Variants in CHD1 observed in about 807,000 individuals in gnomAD.
CHD1 encodes the protein chromodomain helicase DNA binding protein 1, also known as ATP-dependent chromatin remodeler CHD1.
A neutral mutation model predicts 224.2 loss-of-function variants in CHD1; 36 were observed. The observed-to-expected ratio is 0.16, with a 90% CI of 0.12 to 0.21. The LOEUF is 0.21. CHD1 is among the 10% of genes least tolerant of loss of function. The pLI, the probability that CHD1 is intolerant of heterozygous loss-of-function variation, is 1.00. For synonymous variants in CHD1, 668 were observed against 658.3 expected (o/e 1.01, Z -0.23); for missense variants, 1,378 against 1,994.8 (o/e 0.69, Z 5.89).
At chr5:98,870,849 G>A in intron 28 of CHD1, 46 bp from the exon 29 acceptor site, 1 of 1,202,112 alleles carries the variant, frequency 8.3e-7, no homozygotes, top group Non-Finnish European at 1.2e-6. Context: ...TAAATAACAT[G>A]AGAAATGTAC....
At chr5:98,879,784 GTT>G in intron 22 of CHD1, 56 bp from the exon 23 acceptor site, 6 of 1,261,726 alleles carry the variant, frequency 4.8e-6, no homozygotes, top group Non-Finnish European at 3.3e-6. Flanking sequence ...ATCCCTAAAA[GTT>G]TTTTTTAAGG....
At chr5:98,857,360 T>C (rs1235809394) in intron 35 of CHD1, among the ~76,000 whole-genome samples, 1 of 151,666 alleles carries the variant, frequency 6.6e-6, no homozygotes, top group African/African-American at 2.4e-5. Context: ...GTAACTATAT[T>C]GCATAAGCCT....
At chr5:98,889,364 C>T (rs1057324614) in intron 15 of CHD1, 126 bp from the exon 16 acceptor site, 1 of 659,966 alleles carries the variant, frequency 1.5e-6, no homozygotes, top group African/African-American at 1.8e-5. Context: ...TTATAAAATT[C>T]ACAGCTGTAT....
intron 22 of CHD1, 83 bp from the exon 23 acceptor site, chr5:98,879,811 G>C: frequency 1.3e-6 from 1 of 795,952 alleles, no homozygotes; most frequent in Non-Finnish European, 2.0e-6. Flanking sequence ...GAACTGGCAT[G>C]CTCCTTAGGA....
intron 18 of CHD1, 97 bp downstream of exon 18, chr5:98,885,480 CA>C (rs1750587219): frequency 5.0e-6 from 4 of 794,878 alleles, no homozygotes; most frequent in Non-Finnish European, 8.1e-6. Context: ...CTTTTTTTAT[CA>C]AACTAGATAT....
intron 4 of CHD1, 38 bp downstream of exon 4, chr5:98,903,754 G>C (rs778782176): frequency 1.5e-6 from 2 of 1,340,180 alleles, no homozygotes; most frequent in Non-Finnish European, 2.1e-6. Flanking sequence ...TCAGCAGCAT[G>C]TCCACTTTTA....
In CHD1 at chr5:98,901,191, T is replaced by C. The variant is rs1433577422; in HGVS notation, c.582A>G (p.Gln194=). 5 of 1,611,324 alleles carry C rather than the reference T, an allele frequency of 3.1e-6. No individual in the cohort carries two copies. The highest frequency in any genetic ancestry group is 3.4e-5 in the Admixed American group (2 of 59,422). ...PKNKVKSRKP[Q]NRSKSKNGKK... is the part of the protein sequence containing the mutation. ...GCACCAAACTGAGACCATACCTATTTTGAGGTTTTCTGCTTTTGACTTTGT... is the reference window on the plus strand; with the variant it reads ...GCACCAAACTGAGACCATACCTATTCTGAGGTTTTCTGCTTTTGACTTTGT... The change falls in exon 6 of 36, where the codon CAA becomes CAG. Residue 194 remains glutamine, a synonymous_variant. Coordinates refer to ENST00000614616, the MANE Select transcript of CHD1 (RefSeq NM_001270.4).
intron 2 of CHD1, among the ~76,000 whole-genome samples, chr5:98,923,582 T>C (rs1165637284): frequency 1.3e-5 from 2 of 151,802 alleles, no homozygotes; most frequent in African/African-American, 4.8e-5. Flanking sequence ...ACCCAGCTCA[T>C]TTTGTATTTT....
At chr5:98,868,828 T>C in intron 30 of CHD1, 193 bp from the exon 31 acceptor site, 2 of 634,860 alleles carry the variant, frequency 3.2e-6, no homozygotes, top group Non-Finnish European at 2.4e-6. Context: ...TACTCTGTAA[T>C]GTTACTCTGA....
intron 31 of CHD1, among the ~76,000 whole-genome samples, chr5:98,865,913 AG>A (rs752692103): frequency 3.3e-5 from 5 of 151,164 alleles, no homozygotes; most frequent in African/African-American, 4.9e-5. Flanking sequence ...CCATTCCAGC[AG>A]TTACATGAAA....
chr5:98,886,820 G>C (rs746424289), intron 17 of CHD1, among the ~76,000 whole-genome samples: 29 of 152,008 alleles, frequency 1.9e-4, no homozygotes, highest in Admixed American at 5.2e-4. Context: ...ACTGTGGCAT[G>C]ACCTAAACCA....
chr5:98,875,068 T>C lies in CHD1; in HGVS notation c.3440+4A>G, dbSNP rs747578611. 2.1e-6 allele frequency: 3 copies of C among 1,403,520 alleles called. No individual in the cohort carries two copies. In the South Asian group the frequency reaches 3.6e-5, roughly 17 times the overall value. The allele number at this position is 1,403,520 out of a possible 1,614,324, so 86.9% of individuals were successfully genotyped here. A position where few individuals can be genotyped will look rare whatever the true frequency, so the allele number is the denominator to read the frequency against. On this transcript the variant is annotated splice_donor_region_variant and intron_variant, in intron 25 of 35. Transcript: ENST00000614616. ...TATTCTATGAGAATAATAAACGTAT[T>C]TACCTTTCCAGAGGACCACCAAATT...
chr5:98,896,140 G>T, intron 12 of CHD1, 86 bp downstream of exon 12: 1 of 1,158,570 alleles, frequency 8.6e-7, no homozygotes, highest in Admixed American at 1.8e-5. Context: ...GGGAGACAGA[G>T]TGAAACCCCA....
chr5:98,873,511 A>T, intron 26 of CHD1, 82 bp downstream of exon 26: 1 of 1,049,422 alleles, frequency 9.5e-7, no homozygotes, highest in Non-Finnish European at 1.3e-6. Flanking sequence ...TAAATAATTT[A>T]AGATATAATA....
intron 7 of CHD1, 95 bp downstream of exon 7, chr5:98,900,716 T>C: frequency 9.2e-7 from 1 of 1,092,044 alleles, no homozygotes; most frequent in South Asian, 1.6e-5. Context: ...CCCCCCAAAG[T>C]ACTGGGATTA....
chr5:98,884,231 G>A (rs540759342), intron 18 of CHD1, among the ~76,000 whole-genome samples: 20 of 151,702 alleles, frequency 1.3e-4, no homozygotes, highest in African/African-American at 4.6e-4. Context: ...CCGCCACTAC[G>A]CCCAGCTAAT....
intron 34 of CHD1, 143 bp from the exon 35 acceptor site, chr5:98,858,533 T>A: frequency 1.5e-6 from 1 of 649,458 alleles, no homozygotes; most frequent in Non-Finnish European, 2.7e-6. Flanking sequence ...CATTTAGAAA[T>A]GGTGTATAAA....
At chr5:98,913,647 C>T (rs1263564372) in intron 2 of CHD1, among the ~76,000 whole-genome samples, 2 of 152,152 alleles carry the variant, frequency 1.3e-5, no homozygotes, top group Admixed American at 6.5e-5. Context: ...TATATCTGTA[C>T]ACTGGTTAGA....
At chr5:98,891,812 A>G (rs1349462525) in intron 15 of CHD1, among the ~76,000 whole-genome samples, 2 of 152,230 alleles carry the variant, frequency 1.3e-5, no homozygotes, top group Admixed American at 6.5e-5. Flanking sequence ...CTCCGTCTCA[A>G]AAAACAAACA....
Sources: allele counts gnomAD v4.1 joint callset (sites outside exome capture counted in the v4.1 genomes callset), GRCh38; gene constraint gnomAD v4.1.1; transcripts MANE v1.5; gene names NCBI Gene and HGNC (gene_info 2026-07-23, HGNC 2026-07-21).